Variants in EFR3B observed in about 807,000 individuals in gnomAD.
EFR3B encodes the protein protein EFR3 homolog B.
A neutral mutation model predicts 104.7 loss-of-function variants in EFR3B; 64 were observed. The ratio of observed to expected loss-of-function variants is 0.61; its 90% CI spans 0.50 to 0.75. EFR3B has a LOEUF of 0.75. Ranked by LOEUF, EFR3B falls within the 30% of genes least tolerant of loss-of-function variation. The probability of loss-of-function intolerance (pLI) is 0.00; values close to 1 mark genes in which losing one functional copy is unlikely to be tolerated. For missense variants in EFR3B, 750 were observed against 1,078.5 expected (o/e 0.70, Z 4.27); for synonymous variants, 385 against 417.9 (o/e 0.92, Z 0.96).
At chr2:25,124,502 G>A (rs1016095605) in intron 5 of EFR3B, among the ~76,000 whole-genome samples, 2 of 151,270 alleles carry the variant, frequency 1.3e-5, no homozygotes, top group Non-Finnish European at 2.9e-5. Flanking sequence ...CGAGCGGGGC[G>A]GATCACAAGG....
At chr2:25,081,882 C>A (rs1052928847) in intron 1 of EFR3B, among the ~76,000 whole-genome samples, 3 of 151,958 alleles carry the variant, frequency 2.0e-5, no homozygotes, top group African/African-American at 7.3e-5. Flanking sequence ...GGGGAGGGGA[C>A]CTAGATTTTG....
At chr2:25,117,172 G>C (rs1052045949) in intron 4 of EFR3B, among the ~76,000 whole-genome samples, 2 of 152,194 alleles carry the variant, frequency 1.3e-5, no homozygotes, top group African/African-American at 4.8e-5. Context: ...GAGAGGAAGA[G>C]AGTAGGCGGG....
At chr2:25,067,288 A>G (rs545907429) in intron 1 of EFR3B, among the ~76,000 whole-genome samples, 60 of 152,330 alleles carry the variant, frequency 3.9e-4, no homozygotes, top group African/African-American at 1.2e-3. Flanking sequence ...TGTGCTGTGT[A>G]TCTTTACAGA....
At chr2:25,051,280 T>A (rs1667861216) in intron 1 of EFR3B, among the ~76,000 whole-genome samples, 1 of 151,932 alleles carries the variant, frequency 6.6e-6, no homozygotes, top group Admixed American at 6.6e-5. Flanking sequence ...TCTGGCTAAT[T>A]TTTTTGTATT....
rs1558614858 is a variant in EFR3B, at chr2:25,131,920, C to T, written c.1147+9C>T. 9.3e-7 allele frequency: 1 copy of T among 1,078,884 alleles called. No individual in the cohort carries two copies. The highest frequency in any genetic ancestry group is 4.1e-5 in the Admixed American group (1 of 24,374). 66.8% of individuals were successfully genotyped at this position (1,078,884 alleles called of 1,614,324 possible). A position where few individuals can be genotyped will look rare whatever the true frequency, so the allele number is the denominator to read the frequency against. Reference sequence around the variant, plus strand: ...CGTCATCAAGACCGTGGGTGCGGCGCGGGGCCGGGCCGGGGCGGGGCGGGG... The same window carrying T: ...CGTCATCAAGACCGTGGGTGCGGCGTGGGGCCGGGCCGGGGCGGGGCGGGG... On this transcript the variant is annotated intron_variant, in intron 10 of 22. Transcript: ENST00000403714. This position sits in a 1 kb window ranked among gnomAD's most constrained non-coding sequence, Gnocchi z 7.6.
At chr2:25,057,860 A>G (rs1192956496) in intron 1 of EFR3B, among the ~76,000 whole-genome samples, 1 of 152,140 alleles carries the variant, frequency 6.6e-6, no homozygotes, top group Non-Finnish European at 1.5e-5. Context: ...GATGCTTTTC[A>G]ACAGTGAAAA....
chr2:25,114,157 C>T lies in EFR3B; in HGVS notation c.364-7516C>T, dbSNP rs1669799542. 6.6e-6 allele frequency among the ~76,000 whole-genome samples: 1 copy of T among 152,136 alleles called. No individual in the cohort carries two copies. The highest frequency in any genetic ancestry group is 6.5e-5 in the Admixed American group (1 of 15,276). Reference sequence around the variant, plus strand: ...TTTGACCAGGGCCCCCGGGAAAAACCCCATCAGACCCTCTGAATCACTGTC... The same window carrying T: ...TTTGACCAGGGCCCCCGGGAAAAACTCCATCAGACCCTCTGAATCACTGTC... On this transcript the variant is annotated intron_variant, in intron 4 of 22. Transcript: ENST00000403714. This position sits in a 1 kb window ranked among gnomAD's most constrained non-coding sequence, Gnocchi z 4.0.
intron 1 of EFR3B, among the ~76,000 whole-genome samples, chr2:25,077,439 C>T (rs1252984303): frequency 1.3e-5 from 2 of 152,148 alleles, no homozygotes; most frequent in Non-Finnish European, 2.9e-5. Context: ...AGGCACCCGC[C>T]ACCACACCTG....
chr2:25,153,211 G>A (rs959473394), intron 21 of EFR3B, among the ~76,000 whole-genome samples: 12 of 151,224 alleles, frequency 7.9e-5, no homozygotes, highest in Middle Eastern at 3.2e-3. Flanking sequence ...AAAATTAGCC[G>A]GGCATGGTGG....
rs1260600819 is a variant in EFR3B at position 25,042,423 on chromosome 2, C to A, written c.7+104C>A. 3 of 1,218,122 alleles carry A rather than the reference C, an allele frequency of 2.5e-6. No individual in the cohort carries two copies. The highest frequency in any genetic ancestry group is 3.1e-6 in the Non-Finnish European group (3 of 978,984). 75.5% of individuals were successfully genotyped at this position (1,218,122 alleles called of 1,614,324 possible). On this transcript the variant is annotated intron_variant, in intron 1 of 22. Coordinates refer to ENST00000403714, the MANE Select transcript of EFR3B (RefSeq NM_014971.2). This position sits in a 1 kb window ranked among gnomAD's most constrained non-coding sequence, Gnocchi z 5.4. ...TGCACGGCCCTGGCGCGGGGCCAGGCCGCTGACCTGGTGCCCGGCGGGGCT... is the reference window on the plus strand; with the variant it reads ...TGCACGGCCCTGGCGCGGGGCCAGGACGCTGACCTGGTGCCCGGCGGGGCT...
Position 25,114,073 on chromosome 2 carries a change from C to T in EFR3B, c.364-7600C>T, listed in dbSNP as rs1669796902. 6.6e-6 allele frequency among the ~76,000 whole-genome samples: 1 copy of T among 152,196 alleles called. No homozygotes were observed. The highest frequency in any genetic ancestry group is 6.5e-5 in the Admixed American group (1 of 15,278). Reference sequence around the variant, plus strand: ...TCGCTCTAAAACCGGAGAGTCCCAACCTCATCTCAGCCAGACATTGGCACA... The same window carrying T: ...TCGCTCTAAAACCGGAGAGTCCCAATCTCATCTCAGCCAGACATTGGCACA... On this transcript the variant is annotated intron_variant, in intron 4 of 22. Coordinates refer to ENST00000403714, the MANE Select transcript of EFR3B (RefSeq NM_014971.2). This position sits in a 1 kb window ranked among gnomAD's most constrained non-coding sequence, Gnocchi z 4.0.
intron 1 of EFR3B, among the ~76,000 whole-genome samples, chr2:25,086,667 A>G (rs1020159248): frequency 6.6e-6 from 1 of 152,122 alleles, no homozygotes; most frequent in Admixed American, 6.5e-5. Flanking sequence ...ATCTTGGCTC[A>G]CTGCAACCTC....
intron 1 of EFR3B, among the ~76,000 whole-genome samples, chr2:25,082,917 C>A (rs1444684278): frequency 6.6e-6 from 1 of 152,082 alleles, no homozygotes; most frequent in Non-Finnish European, 1.5e-5. Context: ...TGGGCAGAGA[C>A]CTTAGGGACA....
At chr2:25,073,473 T>TCAGC (rs1668550130) in intron 1 of EFR3B, among the ~76,000 whole-genome samples, 2 of 151,210 alleles carry the variant, frequency 1.3e-5, no homozygotes, top group Admixed American at 1.3e-4. Flanking sequence ...TCCTCCCACC[T>TCAGC]CAGCCTCCCA....
intron 4 of EFR3B, among the ~76,000 whole-genome samples, chr2:25,109,720 A>G (rs963188101): frequency 6.6e-6 from 1 of 152,058 alleles, no homozygotes; most frequent in African/African-American, 2.4e-5. Flanking sequence ...AGGGGGAGAG[A>G]GGAATGGGGA....
chr2:25,126,446 A>G (rs558349169), intron 5 of EFR3B, among the ~76,000 whole-genome samples: 1 of 150,712 alleles, frequency 6.6e-6, no homozygotes, highest in South Asian at 2.1e-4. Flanking sequence ...TGTAACCTCC[A>G]CCTCCTGGGT....
At position 25,136,119 on chromosome 2, in the gene EFR3B, C is replaced by T. The variant is rs1442359815; in HGVS notation, c.1485-404C>T. Reference sequence around the variant, plus strand: ...TCACTTAAGCCCAAGAGTTCAAGACCAGCCAGGGCAACATAGTGAGACCCC... The same window carrying T: ...TCACTTAAGCCCAAGAGTTCAAGACTAGCCAGGGCAACATAGTGAGACCCC... On this transcript the variant is annotated intron_variant, in intron 13 of 22. Transcript: ENST00000403714. This position sits in a 1 kb window ranked among gnomAD's most constrained non-coding sequence, Gnocchi z 4.0. Among the ~76,000 whole-genome samples, 2 of 152,072 alleles carry T rather than the reference C, an allele frequency of 1.3e-5. No individual in the cohort carries two copies. Among genetic ancestry groups the T allele is most frequent in the African/African-American group, 2.4e-5 (1 of 41,396 alleles).
intron 1 of EFR3B, chr2:25,080,487 G>T (rs1023953954): frequency 2.1e-6 from 1 of 471,660 alleles, no homozygotes. Flanking sequence ...TAGAGACGGG[G>T]TTTCACCGTG....
intron 19 of EFR3B, chr2:25,145,629 A>G (rs1670793299): frequency 6.5e-6 from 1 of 154,266 alleles, no homozygotes; most frequent in African/African-American, 2.4e-5. Flanking sequence ...AGGGGGACCG[A>G]TATGCTCTGG....
Sources: allele counts gnomAD v4.1 joint callset (sites outside exome capture counted in the v4.1 genomes callset), GRCh38; gene constraint gnomAD v4.1.1; non-coding constraint Gnocchi (gnomAD v3.1); transcripts MANE v1.5; gene names NCBI Gene and HGNC (gene_info 2026-07-23, HGNC 2026-07-21).